Variants in ST7 observed in about 807,000 individuals in gnomAD.
ST7 encodes suppressor of tumorigenicity 7 protein.
Under a neutral mutation model 78.7 loss-of-function variants are expected in ST7, and 28 were observed. The ratio of observed to expected loss-of-function variants is 0.36; its 90% CI spans 0.26 to 0.49. ST7 has a LOEUF of 0.49. ST7 is among the 20% of genes least tolerant of loss of function. ST7 has a pLI of 0.99. For synonymous variants in ST7, 247 were observed against 249.6 expected, an observed-to-expected ratio of 0.99 and a Z score of 0.10; for missense variants, 418 against 696.0, an observed-to-expected ratio of 0.60 and a Z score of 4.49.
At chr7:117,202,362 A>G (rs1015248126) in intron 12 of ST7, among the ~76,000 whole-genome samples, 10 of 152,162 alleles carry the variant, frequency 6.6e-5, no homozygotes, top group Non-Finnish European at 1.5e-4. Context: ...CCTAAGCTCC[A>G]GACCTGAAGA....
intron 1 of ST7, among the ~76,000 whole-genome samples, chr7:117,005,394 T>C (rs1795115421): frequency 6.6e-6 from 1 of 152,188 alleles, no homozygotes; most frequent in African/African-American, 2.4e-5. Flanking sequence ...CCAGTTTCAG[T>C]CCACTTCACT....
intron 1 of ST7, among the ~76,000 whole-genome samples, chr7:117,089,434 A>G (rs1800411288): frequency 6.6e-6 from 1 of 152,220 alleles, no homozygotes; most frequent in Non-Finnish European, 1.5e-5. Flanking sequence ...ATAATAGTTA[A>G]TATCTGATAG....
intron 9 of ST7, among the ~76,000 whole-genome samples, chr7:117,154,508 G>A (rs1272419001): frequency 6.6e-6 from 1 of 152,192 alleles, no homozygotes; most frequent in African/African-American, 2.4e-5. Flanking sequence ...TGGTAGAGGT[G>A]CAGAGTGACA....
At chr7:117,218,807 C>T (rs1314147729) in intron 13 of ST7, among the ~76,000 whole-genome samples, 1 of 152,134 alleles carries the variant, frequency 6.6e-6, no homozygotes, top group Non-Finnish European at 1.5e-5. Flanking sequence ...TGATGAAACC[C>T]TGGGCATTGA....
chr7:117,104,972 G>A (rs996273869), intron 2 of ST7, among the ~76,000 whole-genome samples: 2 of 152,080 alleles, frequency 1.3e-5, no homozygotes, highest in Admixed American at 6.5e-5. Flanking sequence ...CTTGGATCCT[G>A]GCAAAACAAG....
intron 1 of ST7, among the ~76,000 whole-genome samples, chr7:117,052,833 G>A (rs1797855621): frequency 6.6e-6 from 1 of 152,256 alleles, no homozygotes; most frequent in Non-Finnish European, 1.5e-5. Context: ...GGCGGAGCTT[G>A]CAGTGAGCTG....
chr7:117,221,292 CTT>C, intron 14 of ST7, among the ~76,000 whole-genome samples: 1 of 152,250 alleles, frequency 6.6e-6, no homozygotes, highest in Admixed American at 6.5e-5. Flanking sequence ...TCAAGAGTCT[CTT>C]ACAATTGTGC....
chr7:117,024,973 A>T (rs1796115217), intron 1 of ST7, among the ~76,000 whole-genome samples: 1 of 152,202 alleles, frequency 6.6e-6, no homozygotes, highest in Non-Finnish European at 1.5e-5. Context: ...CAGTTTTAAT[A>T]GGGAGTATGG....
chr7:117,208,927 GTGTGTGT>G (rs879261885), intron 12 of ST7, among the ~76,000 whole-genome samples: 1,584 of 151,436 alleles, frequency 0.01, 25 homozygotes, highest in Middle Eastern at 0.034. Flanking sequence ...GTGTGTGTGT[GTGTGTGT>G]GTGTGTGTGT....
Position 117,001,046 on chromosome 7 carries a change from G to A in ST7, c.151+47355G>A, listed in dbSNP as rs897816661. On this transcript the variant is annotated intron_variant, in intron 1 of 15. Coordinates refer to ENST00000323984, the MANE Select transcript of ST7 (RefSeq NM_001369598.1). ...CAGACAATTAGTAGAACATTTTAAT[G>A]TTGTGGTTGGATAACACTGAAAAAG... Among the ~76,000 whole-genome samples the A allele has an allele frequency of 2.0e-5, 3 of 152,200 alleles. 1 individual carries two copies. Among genetic ancestry groups the A allele is most frequent in the African/African-American group, 2.4e-5 (1 of 41,456 alleles).
At chr7:117,222,176 A>T in intron 15 of ST7, 114 bp downstream of exon 15, 4 of 1,169,424 alleles carry the variant, frequency 3.4e-6, no homozygotes, top group East Asian at 5.3e-5. Flanking sequence ...GCCTGCAAAG[A>T]TCATTGCTCA....
intron 9 of ST7, among the ~76,000 whole-genome samples, chr7:117,157,644 T>A (rs949917697): frequency 1.3e-5 from 2 of 152,340 alleles, no homozygotes; most frequent in East Asian, 3.9e-4. Context: ...CATGTGAATG[T>A]GGAAGGATGC....
intron 1 of ST7, among the ~76,000 whole-genome samples, chr7:117,051,701 G>C (rs186013836): frequency 3.9e-5 from 6 of 152,274 alleles, no homozygotes; most frequent in Non-Finnish European, 7.4e-5. Context: ...GGACTAGAAT[G>C]GTCAAGGTGG....
intron 9 of ST7, among the ~76,000 whole-genome samples, chr7:117,148,933 C>T (rs1443016384): frequency 6.6e-6 from 1 of 152,116 alleles, no homozygotes; most frequent in African/African-American, 2.4e-5. Flanking sequence ...TCACTGGAAA[C>T]AGACTTATTT....
At chr7:117,087,251 G>C (rs867081915) in intron 1 of ST7, among the ~76,000 whole-genome samples, 2 of 152,084 alleles carry the variant, frequency 1.3e-5, no homozygotes, top group Non-Finnish European at 1.5e-5. Context: ...TCAAAACAAA[G>C]CAAGTAGATT....
At chr7:117,008,889 C>T (rs529304028) in intron 1 of ST7, among the ~76,000 whole-genome samples, 1 of 152,138 alleles carries the variant, frequency 6.6e-6, no homozygotes, top group African/African-American at 2.4e-5. Flanking sequence ...TTTTTTTTAA[C>T]ATTTTTAAAT....
intron 3 of ST7, among the ~76,000 whole-genome samples, chr7:117,123,529 G>A (rs541768142): frequency 3.3e-4 from 51 of 152,270 alleles, no homozygotes; most frequent in Non-Finnish European, 5.7e-4. Context: ...GCTGAAGTTA[G>A]CATTTGTGTC....
chr7:116,999,103 G>A (rs1585119365), intron 1 of ST7, among the ~76,000 whole-genome samples: 1 of 152,208 alleles, frequency 6.6e-6, no homozygotes. Flanking sequence ...GTGGTGGAAC[G>A]TGGTTGGAAC....
At chr7:117,181,276 T>C (rs1563146737) in intron 10 of ST7, among the ~76,000 whole-genome samples, 1 of 152,142 alleles carries the variant, frequency 6.6e-6, no homozygotes, top group African/African-American at 2.4e-5. Flanking sequence ...AGCTAAAGTC[T>C]CCCACATTAC....
Sources: allele counts gnomAD v4.1 joint callset (sites outside exome capture counted in the v4.1 genomes callset), GRCh38; gene constraint gnomAD v4.1.1; transcripts MANE v1.5; gene names NCBI Gene and HGNC (gene_info 2026-07-23, HGNC 2026-07-21).